Variants in PCDHAC2 observed in about 807,000 individuals in gnomAD.
PCDHAC2 encodes the protein protocadherin alpha-C2.
In PCDHAC2, 24 loss-of-function variants were observed where a neutral mutation model predicts 63.3. The observed-to-expected ratio is 0.38, with a 90% CI of 0.27 to 0.53. The LOEUF is 0.53. Ranked by LOEUF, PCDHAC2 falls within the 20% of genes least tolerant of loss-of-function variation. PCDHAC2 has a pLI of 0.81. For missense variants in PCDHAC2, 1,181 were observed against 1,275.2 expected (o/e 0.93, Z 1.12); for synonymous variants, 569 against 529.4 (o/e 1.07, Z -1.03).
At chr5:141,005,018 T>C (rs2098193299) in intron 3 of PCDHAC2, among the ~76,000 whole-genome samples, 1 of 152,250 alleles carries the variant, frequency 6.6e-6, no homozygotes, top group Non-Finnish European at 1.5e-5. Flanking sequence ...AGCTGCATTA[T>C]ATATAATTGC....
chr5:140,987,799 A>C (rs2097268880), intron 3 of PCDHAC2, among the ~76,000 whole-genome samples: 2 of 152,140 alleles, frequency 1.3e-5, no homozygotes, highest in South Asian at 4.1e-4. Flanking sequence ...GATTTTTTTA[A>C]AGTGCCTGTC....
At chr5:140,974,264 C>A (rs2096620873) in intron 1 of PCDHAC2, among the ~76,000 whole-genome samples, 1 of 152,168 alleles carries the variant, frequency 6.6e-6, no homozygotes, top group African/African-American at 2.4e-5. Flanking sequence ...CCTTTCTGGC[C>A]TTCCAGGGTC....
In PCDHAC2 at chr5:140,969,008, G is replaced by C. The variant is rs782541476; in HGVS notation, c.2242G>C (p.Val748Leu). 29 of 1,614,076 alleles carry C rather than the reference G, an allele frequency of 1.8e-5. 1 individual carries two copies. In the Admixed American group the frequency reaches 4.8e-4, roughly 27 times the overall value. Reference protein sequence around the residue: ...GTACCGGFCGVRERSPAELYK... With the variant: ...GTACCGGFCGLRERSPAELYK... Reference sequence around the variant, plus strand: ...TGCATGCTGTGGAGGCTTCTGTGGAGTAAGGGAAAGGTCCCCTGCAGAACT... The same window carrying C: ...TGCATGCTGTGGAGGCTTCTGTGGACTAAGGGAAAGGTCCCCTGCAGAACT... Residue 748 changes from valine to leucine, a missense_variant, in exon 1 of 4, where the codon GTA (valine) becomes CTA (leucine). By Grantham distance (32) the Val-to-Leu change is conservative. Coordinates refer to ENST00000289269, the MANE Select transcript of PCDHAC2 (RefSeq NM_018899.6).
chr5:140,996,918 A>T lies in PCDHAC2; in HGVS notation c.2714-12709A>T, dbSNP rs10036183. On this transcript the variant is annotated intron_variant, in intron 3 of 3. Transcript: ENST00000289269. ...GAATTACATTGTTGAAGTAAATATT[A>T]AAAAATATAGCATTTTTGCATAGAA... Among the ~76,000 whole-genome samples, 492 of 152,328 alleles carry T rather than the reference A, an allele frequency of 3.2e-3. 4 individuals are homozygous for T. Among genetic ancestry groups the T allele is most frequent in the African/African-American group, 0.011 (464 of 41,562 alleles).
intron 3 of PCDHAC2, among the ~76,000 whole-genome samples, chr5:140,985,373 C>G (rs1228293287): frequency 6.6e-6 from 1 of 152,106 alleles, no homozygotes. Flanking sequence ...TTATCTGGGT[C>G]TATATAATCC....
intron 3 of PCDHAC2, among the ~76,000 whole-genome samples, chr5:140,998,721 C>A (rs987484967): frequency 4.6e-5 from 7 of 152,084 alleles, no homozygotes; most frequent in Admixed American, 4.6e-4. Flanking sequence ...TGCACCACCA[C>A]GCTAGGCTAA....
intron 3 of PCDHAC2, among the ~76,000 whole-genome samples, chr5:140,991,948 A>G (rs2097482017): frequency 6.6e-6 from 1 of 152,046 alleles, no homozygotes; most frequent in Non-Finnish European, 1.5e-5. Flanking sequence ...TAAAATTAGA[A>G]TGCAGTCATT....
In PCDHAC2 at chr5:141,010,299, T is replaced by G; in HGVS notation, c.*362T>G. ...TCTTGATGACACTTGCAGGGCAGGCTGAAAAGTTTTGAGATTGAGCAGCTT... is the reference window on the plus strand; with the variant it reads ...TCTTGATGACACTTGCAGGGCAGGCGGAAAAGTTTTGAGATTGAGCAGCTT... On this transcript the variant is annotated 3_prime_UTR_variant, in exon 4 of 4. Transcript: ENST00000289269. 6.5e-7 allele frequency: 1 copy of G among 1,549,016 alleles called. No homozygotes were observed. The highest frequency in any genetic ancestry group is 2.4e-5 in the East Asian group (1 of 40,892).
Position 140,982,515 on chromosome 5 carries a change from C to A in PCDHAC2, c.2665C>A (p.Pro889Thr), listed in dbSNP as rs1278779763. ...LEEAGILRAG[P>T]GGPDQQWPTV... ...GGAGGCTGGCATTCTACGGGCTGGT[C>A]CAGGAGGGCCTGATCAGCAGTGGCC... Residue 889 changes from proline (P) to threonine (T), a missense_variant, in exon 3 of 4, where the codon CCA becomes ACA. Pro to Thr is a conservative substitution (Grantham distance 38, BLOSUM62 -1). Transcript: ENST00000289269. 3 of 1,614,058 alleles carry A rather than the reference C, an allele frequency of 1.9e-6. No individual in the cohort carries two copies. Among genetic ancestry groups the A allele is most frequent in the Middle Eastern group, 1.6e-4 (1 of 6,080 alleles).
At position 140,992,285 on chromosome 5, in the gene PCDHAC2, A is replaced by G. The variant is rs114469876; in HGVS notation, c.2713+9722A>G. On this transcript the variant is annotated intron_variant, in intron 3 of 3. Transcript: ENST00000289269. ...AGTTCTTTTCGTAGCACATCCCTGCAAAGGATGGGAGTATTGTTTTGGTGG... is the reference window on the plus strand; with the variant it reads ...AGTTCTTTTCGTAGCACATCCCTGCGAAGGATGGGAGTATTGTTTTGGTGG... 2.6e-3 allele frequency among the ~76,000 whole-genome samples: 395 copies of G among 152,336 alleles called. 1 individual carries two copies. The highest frequency in any genetic ancestry group is 8.7e-3 in the African/African-American group (360 of 41,578).
chr5:140,999,431 C>G (rs1554256799), intron 3 of PCDHAC2, among the ~76,000 whole-genome samples: 1 of 152,134 alleles, frequency 6.6e-6, no homozygotes, highest in African/African-American at 2.4e-5. Context: ...GGCCAAGTAC[C>G]TTGCCTCTTA....
intron 3 of PCDHAC2, among the ~76,000 whole-genome samples, chr5:140,985,651 T>A (rs1413086230): frequency 6.6e-6 from 1 of 151,992 alleles, no homozygotes; most frequent in Non-Finnish European, 1.5e-5. Context: ...ACACTTGCAA[T>A]GGCTGAATAA....
At chr5:140,977,703 A>G (rs1407162368) in intron 1 of PCDHAC2, among the ~76,000 whole-genome samples, 1 of 152,192 alleles carries the variant, frequency 6.6e-6, no homozygotes, top group Non-Finnish European at 1.5e-5. Context: ...ATCTGTCTGA[A>G]TATTGAGATG....
Position 141,010,327 on chromosome 5 carries a change from G to T in PCDHAC2, c.*390G>T, listed in dbSNP as rs2098416942. 5 of 1,539,742 alleles carry T rather than the reference G, an allele frequency of 3.2e-6. No individual in the cohort carries two copies. The highest frequency in any genetic ancestry group is 2.4e-5 in the South Asian group (2 of 82,532). On this transcript the variant is annotated 3_prime_UTR_variant, in exon 4 of 4. Transcript: ENST00000289269. ...AAAGTTTTGAGATTGAGCAGCTTGGGAGTTTGTGGCCACTGGGTATGTGTG... is the reference window on the plus strand; with the variant it reads ...AAAGTTTTGAGATTGAGCAGCTTGGTAGTTTGTGGCCACTGGGTATGTGTG...
intron 3 of PCDHAC2, among the ~76,000 whole-genome samples, chr5:140,983,853 A>T (rs1447321377): frequency 6.6e-6 from 1 of 152,230 alleles, no homozygotes; most frequent in African/African-American, 2.4e-5. Context: ...ATTAAGTAAC[A>T]TGCAGCTAAG....
chr5:140,981,407 C>G (rs1410838924), intron 2 of PCDHAC2, among the ~76,000 whole-genome samples: 1 of 152,042 alleles, frequency 6.6e-6, no homozygotes, highest in Non-Finnish European at 1.5e-5. Flanking sequence ...AAACCTGTCT[C>G]TACTAAAAAT....
At position 141,011,465 on chromosome 5, in the gene PCDHAC2, G is replaced by A. The variant is rs2098420693; in HGVS notation, c.*1528G>A. ...TGAACTTTAAGCTTTATTGTTGAAT[G>A]TAATTCCATTATATTTCCTTTTGTA... On this transcript the variant is annotated 3_prime_UTR_variant, in exon 4 of 4. Transcript: ENST00000289269. The A allele has an allele frequency of 6.5e-6, 1 of 153,770 alleles. No individual in the cohort carries two copies. The highest frequency in any genetic ancestry group is 2.4e-5 in the African/African-American group (1 of 41,452). The allele number at this position is 153,770 out of a possible 1,614,324, so 9.5% of individuals were successfully genotyped here.
At chr5:140,978,485 A>G (rs992352505) in intron 1 of PCDHAC2, among the ~76,000 whole-genome samples, 2 of 152,264 alleles carry the variant, frequency 1.3e-5, no homozygotes, top group Admixed American at 1.3e-4. Flanking sequence ...CAGTCTGCAA[A>G]GCCAGCAGCA....
chr5:140,979,020 C>T lies in PCDHAC2; in HGVS notation c.2624+13C>T. The T allele has an allele frequency of 6.2e-7, 1 of 1,613,708 alleles. No individual in the cohort carries two copies. Among genetic ancestry groups the T allele is most frequent in the Non-Finnish European group, 8.5e-7 (1 of 1,179,840 alleles). On this transcript the variant is annotated intron_variant, in intron 2 of 3. Transcript: ENST00000289269. ...CAGGCATGCACAGGTATGTATTTCC[C>T]TCCTCATTCACTCAGAAGTAACCTT...
Sources: allele counts gnomAD v4.1 joint callset (sites outside exome capture counted in the v4.1 genomes callset), GRCh38; gene constraint gnomAD v4.1.1; transcripts MANE v1.5; gene names NCBI Gene and HGNC (gene_info 2026-07-23, HGNC 2026-07-21).